Variants in SYT1 observed in about 807,000 individuals in gnomAD.
SYT1 encodes the protein synaptotagmin-1.
In SYT1, 8 loss-of-function variants were observed where a neutral mutation model predicts 44.8. That is an observed-to-expected ratio of 0.18 (90% CI 0.10 to 0.32). The LOEUF is 0.32. SYT1 is among the 10% of genes least tolerant of loss of function. The pLI is 1.00. For missense variants in SYT1, 286 were observed against 509.3 expected (o/e 0.56, Z 4.22); for synonymous variants, 154 against 188.8 (o/e 0.82, Z 1.51).
In SYT1 at chr12:78,925,056, ATGAG is replaced by A. The variant is rs1428682542; in HGVS notation, c.-216-52741_-216-52738del. 1.7e-3 allele frequency among the ~76,000 whole-genome samples: 266 copies of A among 152,038 alleles called. 1 individual carries two copies. The highest frequency in any genetic ancestry group is 6.2e-3 in the African/African-American group (258 of 41,552). ...AAGGCATATATATTTATACATGTTT[ATGAG>A]TATATGTGTCACTACATATCTATTT... is the stretch of plus-strand genomic sequence containing the variant. On this transcript the variant is annotated intron_variant, in intron 1 of 10. Transcript: ENST00000261205.
At chr12:79,155,270 A>G (rs1178824014) in intron 3 of SYT1, among the ~76,000 whole-genome samples, 1 of 152,206 alleles carries the variant, frequency 6.6e-6, no homozygotes, top group African/African-American at 2.4e-5. Flanking sequence ...TTGAAGAGCT[A>G]ATCAAATATT....
intron 4 of SYT1, among the ~76,000 whole-genome samples, chr12:79,243,229 C>T (rs1479377681): frequency 6.6e-6 from 1 of 152,160 alleles, no homozygotes; most frequent in African/African-American, 2.4e-5. Context: ...ACAGTCGAAC[C>T]ATATCAAATA....
intron 3 of SYT1, among the ~76,000 whole-genome samples, chr12:79,193,564 T>C (rs1873257963): frequency 6.6e-6 from 1 of 152,120 alleles, no homozygotes. Flanking sequence ...TTTTTTACTA[T>C]TATTAAGATT....
chr12:78,923,089 A>G (rs1877098992), intron 1 of SYT1, among the ~76,000 whole-genome samples: 1 of 151,970 alleles, frequency 6.6e-6, no homozygotes, highest in South Asian at 2.1e-4. Context: ...GCATTACAGT[A>G]TATCATCCAA....
chr12:79,029,642 T>C (rs1872723743), intron 2 of SYT1, among the ~76,000 whole-genome samples: 1 of 151,194 alleles, frequency 6.6e-6, no homozygotes. Context: ...AATGAAATTT[T>C]ATTTATGTAG....
At chr12:79,282,852 T>C (rs1033455543) in intron 4 of SYT1, among the ~76,000 whole-genome samples, 2 of 152,042 alleles carry the variant, frequency 1.3e-5, no homozygotes, top group African/African-American at 4.8e-5. Context: ...TATCTATAAC[T>C]GTAGCCAAAT....
chr12:79,150,147 C>A lies in SYT1; in HGVS notation c.-17-67356C>A, dbSNP rs894774694. On this transcript the variant is annotated intron_variant, in intron 3 of 10. Transcript: ENST00000261205. ...TCCATCAGTTCATATTCTAGTGTTT[C>A]ATGGTGAGAGCATTTAAAATCTACT... Among the ~76,000 whole-genome samples the A allele has an allele frequency of 8.2e-4, 125 of 152,170 alleles. 2 individuals carry two copies. Among genetic ancestry groups the A allele is most frequent in the Middle Eastern group, 6.8e-3 (2 of 292 alleles).
intron 2 of SYT1, among the ~76,000 whole-genome samples, chr12:79,012,459 T>C (rs995163314): frequency 6.6e-6 from 1 of 152,202 alleles, no homozygotes; most frequent in African/African-American, 2.4e-5. Flanking sequence ...TCAAGCATAA[T>C]TGAGCAGGTA....
intron 1 of SYT1, among the ~76,000 whole-genome samples, chr12:78,970,345 C>T (rs113544790): frequency 7.9e-5 from 12 of 152,276 alleles, no homozygotes; most frequent in African/African-American, 2.9e-4. Context: ...GTTATGGGAA[C>T]TGGTTTTAGT....
chr12:79,115,339 A>G (rs2138107270), intron 3 of SYT1, among the ~76,000 whole-genome samples: 1 of 152,306 alleles, frequency 6.6e-6, no homozygotes, highest in Admixed American at 6.5e-5. Context: ...ACACTTACAT[A>G]GTGAGAAATA....
chr12:79,044,612 C>G (rs1158640791), intron 2 of SYT1, among the ~76,000 whole-genome samples: 1 of 148,752 alleles, frequency 6.7e-6, no homozygotes, highest in South Asian at 2.2e-4. Context: ...TCGTCTGAAG[C>G]CTTCTTCTCT....
chr12:79,264,749 G>C (rs1437090897), intron 4 of SYT1, among the ~76,000 whole-genome samples: 9 of 152,142 alleles, frequency 5.9e-5, no homozygotes, highest in African/African-American at 1.9e-4. Flanking sequence ...TACAAATTTA[G>C]TATTATTCTA....
intron 7 of SYT1, among the ~76,000 whole-genome samples, chr12:79,298,914 G>T (rs979673629): frequency 6.6e-6 from 1 of 152,040 alleles, no homozygotes; most frequent in African/African-American, 2.4e-5. Flanking sequence ...ATAAATCATT[G>T]CTCCATTGAA....
chr12:79,351,451 C>T (rs1882898557), intron 8 of SYT1, among the ~76,000 whole-genome samples: 2 of 151,644 alleles, frequency 1.3e-5, no homozygotes, highest in South Asian at 4.2e-4. Flanking sequence ...TCTGAAATTC[C>T]TAATTAGAAC....
intron 9 of SYT1, among the ~76,000 whole-genome samples, chr12:79,364,790 C>G (rs761266573): frequency 6.6e-6 from 1 of 151,982 alleles, no homozygotes; most frequent in Non-Finnish European, 1.5e-5. Flanking sequence ...CAAAAAGAGC[C>G]GAATGCACAT....
intron 3 of SYT1, among the ~76,000 whole-genome samples, chr12:79,107,618 A>G (rs1878790011): frequency 6.6e-6 from 1 of 152,052 alleles, no homozygotes; most frequent in Non-Finnish European, 1.5e-5. Context: ...GGAATAAGAA[A>G]AAATTATTCT....
intron 9 of SYT1, among the ~76,000 whole-genome samples, chr12:79,420,913 A>G (rs1467644389): frequency 6.6e-6 from 1 of 152,120 alleles, no homozygotes; most frequent in African/African-American, 2.4e-5. Flanking sequence ...GCTTCAGAAC[A>G]TCTCCTAGAA....
intron 3 of SYT1, among the ~76,000 whole-genome samples, chr12:79,101,478 CAG>C (rs545862021): frequency 5.2e-4 from 79 of 152,170 alleles, no homozygotes; most frequent in African/African-American, 1.9e-3. Flanking sequence ...AATGGAGAGT[CAG>C]AGTATACAAG....
At chr12:79,154,715 T>A (rs1870489826) in intron 3 of SYT1, among the ~76,000 whole-genome samples, 1 of 152,146 alleles carries the variant, frequency 6.6e-6, no homozygotes, top group African/African-American at 2.4e-5. Context: ...TTCAAACACT[T>A]CGTGAAAGGG....
Sources: allele counts gnomAD v4.1 joint callset (sites outside exome capture counted in the v4.1 genomes callset), GRCh38; gene constraint gnomAD v4.1.1; transcripts MANE v1.5; gene names NCBI Gene and HGNC (gene_info 2026-07-23, HGNC 2026-07-21).